The following LRRC4C variants were observed in gnomAD, a reference collection of about 807,000 sequenced individuals.
LRRC4C encodes the protein leucine rich repeat containing 4C, also known as leucine-rich repeat-containing protein 4C.
LRRC4C carries 5 observed loss-of-function variants against 33.6 expected under a neutral mutation model. The ratio of observed to expected loss-of-function variants is 0.15; its 90% CI spans 0.08 to 0.31. The LOEUF is 0.31. LRRC4C is among the 10% of genes least tolerant of loss of function. The pLI is 1.00. For synonymous variants in LRRC4C, 329 were observed against 302.0 expected, an observed-to-expected ratio of 1.09 and a Z score of -0.93; for missense variants, 560 against 796.7, an observed-to-expected ratio of 0.70 and a Z score of 3.58.
At position 40,427,823 on chromosome 11, in the gene LRRC4C, GTC is replaced by G. The variant is rs560749128; in HGVS notation, c.-269-108104_-269-108103del. Among the ~76,000 whole-genome samples the G allele has an allele frequency of 3.0e-3, 449 of 151,918 alleles. 1 individual carries two copies. The highest frequency in any genetic ancestry group is 0.01 in the Middle Eastern group (3 of 294). On this transcript the variant is annotated intron_variant, in intron 3 of 6. Transcript: ENST00000528697. ...TCAGCCTGGGCAACAGAGTGAGACT[GTC>G]TTAAAAAAACAAAAGACCAAACCCA...
At chr11:40,803,604 A>T (rs1407632366) in intron 2 of LRRC4C, among the ~76,000 whole-genome samples, 1 of 152,028 alleles carries the variant, frequency 6.6e-6, no homozygotes, top group Non-Finnish European at 1.5e-5. Flanking sequence ...TTAATTTTTA[A>T]TTAATTAATG....
At chr11:40,620,873 A>G (rs1158028117) in intron 3 of LRRC4C, among the ~76,000 whole-genome samples, 2 of 151,762 alleles carry the variant, frequency 1.3e-5, no homozygotes, top group African/African-American at 4.8e-5. Context: ...ATGTATGAGG[A>G]TATGGAGCAA....
rs78238563 is a variant in LRRC4C at position 40,634,685 on chromosome 11, T to C, written c.-270+13457A>G. ...GGGAGTTAGAGATCAGCTTGGGAAATATAGTGCGGCCTATTTCTTCAAAAA... is the reference window on the plus strand; with the variant it reads ...GGGAGTTAGAGATCAGCTTGGGAAACATAGTGCGGCCTATTTCTTCAAAAA... On this transcript the variant is annotated intron_variant, in intron 3 of 6. Coordinates refer to ENST00000528697, the MANE Select transcript of LRRC4C (RefSeq NM_001258419.2). Among the ~76,000 whole-genome samples, 1,346 of 151,302 alleles carry C rather than the reference T, an allele frequency of 8.9e-3. 27 individuals are homozygous for C. Among genetic ancestry groups the C allele is most frequent in the African/African-American group, 0.032 (1,300 of 41,024 alleles).
chr11:41,243,104 G>T (rs748992967), intron 1 of LRRC4C, among the ~76,000 whole-genome samples: 1 of 152,112 alleles, frequency 6.6e-6, no homozygotes, highest in African/African-American at 2.4e-5. Flanking sequence ...TCCCTCTGAC[G>T]CTGTGCTTAG....
At chr11:40,681,353 C>A (rs1944675246) in intron 2 of LRRC4C, among the ~76,000 whole-genome samples, 1 of 152,124 alleles carries the variant, frequency 6.6e-6, no homozygotes, top group Non-Finnish European at 1.5e-5. Flanking sequence ...AAACTGTCTG[C>A]CCCAATACAC....
intron 1 of LRRC4C, among the ~76,000 whole-genome samples, chr11:41,197,884 G>A (rs1430423230): frequency 6.6e-6 from 1 of 151,848 alleles, no homozygotes; most frequent in Admixed American, 6.6e-5. Context: ...CTGACATCTG[G>A]AAAATGCTCA....
At chr11:41,310,163 G>T (rs934825120) in intron 1 of LRRC4C, among the ~76,000 whole-genome samples, 6 of 152,180 alleles carry the variant, frequency 3.9e-5, no homozygotes, top group Admixed American at 1.3e-4. Context: ...ATTAATAAAG[G>T]CATGTTGTCT....
At chr11:40,388,625 C>G (rs1247118915) in intron 3 of LRRC4C, among the ~76,000 whole-genome samples, 1 of 152,136 alleles carries the variant, frequency 6.6e-6, no homozygotes, top group Non-Finnish European at 1.5e-5. Flanking sequence ...AGGAATGAGT[C>G]AAGGAACATC....
At chr11:40,708,005 A>G (rs6485222) in intron 2 of LRRC4C, among the ~76,000 whole-genome samples, 84,846 of 152,012 alleles carry the variant, frequency 0.56, 23,906 homozygotes, top group African/African-American at 0.6. Flanking sequence ...GCACAGAAGT[A>G]TTTATAGTAT....
chr11:40,807,714 A>C (rs1951314892), intron 2 of LRRC4C, among the ~76,000 whole-genome samples: 1 of 152,242 alleles, frequency 6.6e-6, no homozygotes, highest in Non-Finnish European at 1.5e-5. Context: ...TTTAAGATAC[A>C]GCATCTCATG....
At chr11:41,354,502 A>G (rs774458640) in intron 1 of LRRC4C, among the ~76,000 whole-genome samples, 2 of 152,150 alleles carry the variant, frequency 1.3e-5, no homozygotes, top group Non-Finnish European at 2.9e-5. Context: ...TTCATTTTTC[A>G]TAGAATTAGG....
chr11:40,598,278 G>A (rs1027388), intron 3 of LRRC4C, among the ~76,000 whole-genome samples: 2 of 151,998 alleles, frequency 1.3e-5, no homozygotes, highest in East Asian at 1.9e-4. Flanking sequence ...TCACATTAGG[G>A]TTTAAACCAA....
intron 1 of LRRC4C, among the ~76,000 whole-genome samples, chr11:41,118,472 C>T (rs758598467): frequency 9.2e-5 from 14 of 152,162 alleles, no homozygotes; most frequent in Non-Finnish European, 1.8e-4. Context: ...AAGCCAAAAG[C>T]TTAGAACAAA....
intron 1 of LRRC4C, among the ~76,000 whole-genome samples, chr11:41,442,341 CAT>C (rs919694999): frequency 6.6e-6 from 1 of 151,304 alleles, no homozygotes; most frequent in African/African-American, 2.4e-5. Flanking sequence ...CATTTATCAA[CAT>C]ATCTTTTCCT....
chr11:40,778,680 CT>C (rs1950104668), intron 2 of LRRC4C, among the ~76,000 whole-genome samples: 1 of 152,106 alleles, frequency 6.6e-6, no homozygotes, highest in African/African-American at 2.4e-5. Flanking sequence ...GGAAAGTCTC[CT>C]TGAGGGAGCT....
chr11:40,261,479 A>C (rs1277543600), intron 4 of LRRC4C, among the ~76,000 whole-genome samples: 1 of 152,122 alleles, frequency 6.6e-6, no homozygotes, highest in Admixed American at 6.6e-5. Context: ...GGAGTAGCAA[A>C]TATGTGTGAT....
intron 3 of LRRC4C, among the ~76,000 whole-genome samples, chr11:40,384,846 C>T (rs1949042035): frequency 6.6e-6 from 1 of 151,784 alleles, no homozygotes; most frequent in African/African-American, 2.4e-5. Context: ...AATTCATTAC[C>T]TTCTAGATTC....
At chr11:40,515,262 A>G (rs1039724200) in intron 3 of LRRC4C, among the ~76,000 whole-genome samples, 1 of 152,074 alleles carries the variant, frequency 6.6e-6, no homozygotes, top group South Asian at 2.1e-4. Context: ...AATACTAAGC[A>G]TATTCTTCTT....
rs751961806 is a variant in LRRC4C, at chr11:40,606,607, A to T, written c.-270+41535T>A. Among the ~76,000 whole-genome samples, 3 of 152,190 alleles carry T rather than the reference A, an allele frequency of 2.0e-5. No homozygotes were observed. The East Asian group carries it at 5.8e-4, about 29-fold the overall frequency. ...TGTAAAGTACATGACAATTCAAAAT[A>T]ACCATCATAAGGATGCTTAATGAGC... On this transcript the variant is annotated intron_variant, in intron 3 of 6. Transcript: ENST00000528697.
Sources: allele counts gnomAD v4.1 joint callset (sites outside exome capture counted in the v4.1 genomes callset), GRCh38; gene constraint gnomAD v4.1.1; transcripts MANE v1.5; gene names NCBI Gene and HGNC (gene_info 2026-07-23, HGNC 2026-07-21).